Variants in NRCAM observed in about 807,000 individuals in gnomAD.
The protein encoded by NRCAM is neuronal cell adhesion molecule.
A neutral mutation model predicts 156.5 loss-of-function variants in NRCAM; 83 were observed. The observed-to-expected ratio is 0.53, with a 90% CI of 0.44 to 0.64. The LOEUF is 0.64. NRCAM is among the 30% of genes least tolerant of loss of function. The probability of loss-of-function intolerance (pLI) is 0.00; values close to 1 mark genes in which losing one functional copy is unlikely to be tolerated. For synonymous variants in NRCAM, 538 were observed against 563.9 expected (o/e 0.95, Z 0.65); for missense variants, 1,417 against 1,597.3 (o/e 0.89, Z 1.92).
At chr7:108,300,390 G>A (rs2098577402) in intron 3 of NRCAM, among the ~76,000 whole-genome samples, 2 of 151,880 alleles carry the variant, frequency 1.3e-5, no homozygotes, top group South Asian at 2.1e-4. Context: ...TAAAATGTTA[G>A]AGGATACCAG....
chr7:108,192,486 C>A (rs959108823), intron 17 of NRCAM, among the ~76,000 whole-genome samples: 2 of 152,078 alleles, frequency 1.3e-5, no homozygotes, highest in African/African-American at 2.4e-5. Context: ...ATTGTGCCCC[C>A]ACCCTGTCCG....
chr7:108,415,635 C>T (rs1408726157), intron 1 of NRCAM, among the ~76,000 whole-genome samples: 1 of 152,318 alleles, frequency 6.6e-6, no homozygotes, highest in Non-Finnish European at 1.5e-5. Flanking sequence ...TATCCCAGCA[C>T]TTTGGGAGGC....
Position 108,226,288 on chromosome 7 carries a change from T to C in NRCAM, c.641A>G (p.Glu214Gly). 1.2e-6 allele frequency: 2 copies of C among 1,608,494 alleles called. No homozygotes were observed. Among genetic ancestry groups the C allele is most frequent in the Admixed American group, 1.7e-5 (1 of 59,992 alleles). The change falls in exon 9 of 33, where the codon GAA becomes GGA. Residue 214 changes from glutamate to glycine, a missense_variant. Transcript: ENST00000379028. Reference sequence around the variant, plus strand: ...AAATCTAGCATAACAGATATAGTCTTCGCGGGTGTCCTCTGGGAGGACATT... The same window carrying C: ...AAATCTAGCATAACAGATATAGTCTCCGCGGGTGTCCTCTGGGAGGACATT... ...FSNVLPEDTR[E>G]DYICYARFNH... is the part of the protein sequence containing the mutation.
chr7:108,370,399 T>C (rs577823653), intron 2 of NRCAM, among the ~76,000 whole-genome samples: 1 of 152,218 alleles, frequency 6.6e-6, no homozygotes, highest in South Asian at 2.1e-4. Flanking sequence ...ACATAGAATG[T>C]TTTCATGTAT....
chr7:108,155,101 T>TATATATATATATAC (rs1270777439), intron 32 of NRCAM, among the ~76,000 whole-genome samples: 3 of 123,100 alleles, frequency 2.4e-5, no homozygotes, highest in African/African-American at 3.5e-5. Context: ...TATATATATA[T>TATATATATATATAC]ACACACACAC....
intron 3 of NRCAM, 78 bp from the exon 4 acceptor site, chr7:108,240,248 G>A (rs2095435006): frequency 4.0e-6 from 2 of 503,384 alleles, no homozygotes; most frequent in African/African-American, 2.0e-5. Flanking sequence ...CTGCAGCACA[G>A]AGAACTAGCC....
intron 11 of NRCAM, among the ~76,000 whole-genome samples, chr7:108,216,063 C>T (rs1208310225): frequency 1.3e-5 from 2 of 152,114 alleles, no homozygotes; most frequent in Admixed American, 6.5e-5. Flanking sequence ...TTTTCCTTTC[C>T]ATATTTAGTG....
intron 11 of NRCAM, among the ~76,000 whole-genome samples, chr7:108,212,016 C>T (rs1166779999): frequency 2.0e-5 from 3 of 152,210 alleles, no homozygotes; most frequent in Non-Finnish European, 1.5e-5. Context: ...GCCACCTCCA[C>T]CAGAACAGGT....
At chr7:108,448,695 C>T (rs188114477) in intron 1 of NRCAM, among the ~76,000 whole-genome samples, 84 of 152,218 alleles carry the variant, frequency 5.5e-4, no homozygotes, top group African/African-American at 1.9e-3. Flanking sequence ...TGTTTTCAAT[C>T]AGATGCTGCC....
intron 19 of NRCAM, among the ~76,000 whole-genome samples, chr7:108,190,811 C>T (rs907168442): frequency 5.9e-5 from 9 of 152,022 alleles, no homozygotes; most frequent in Non-Finnish European, 1.2e-4. Context: ...TCTATTTTTC[C>T]CCATATACAT....
intron 32 of NRCAM, among the ~76,000 whole-genome samples, chr7:108,153,785 G>C (rs898287626): frequency 2.0e-5 from 3 of 152,024 alleles, no homozygotes; most frequent in African/African-American, 7.2e-5. Context: ...TTATGTTCTT[G>C]CAAAAAATTA....
At chr7:108,447,512 C>T (rs1017612744) in intron 1 of NRCAM, among the ~76,000 whole-genome samples, 4 of 151,828 alleles carry the variant, frequency 2.6e-5, no homozygotes, top group Non-Finnish European at 4.4e-5. Flanking sequence ...TCTCATGATC[C>T]GCCTACTCTG....
chr7:108,387,340 T>C (rs2099743832), intron 2 of NRCAM, among the ~76,000 whole-genome samples: 1 of 152,140 alleles, frequency 6.6e-6, no homozygotes, highest in African/African-American at 2.4e-5. Context: ...AAAGGAAATG[T>C]TGTAATAAAA....
intron 2 of NRCAM, among the ~76,000 whole-genome samples, chr7:108,399,065 A>G (rs1165638900): frequency 6.6e-6 from 1 of 152,160 alleles, no homozygotes; most frequent in Non-Finnish European, 1.5e-5. Context: ...AAAACAACCC[A>G]AGAAGGTAGG....
chr7:108,302,708 G>GC (rs1473356228), intron 3 of NRCAM, among the ~76,000 whole-genome samples: 1 of 152,038 alleles, frequency 6.6e-6, no homozygotes, highest in Non-Finnish European at 1.5e-5. Context: ...ATCTAGCAAA[G>GC]CAATAATTTC....
At chr7:108,327,017 C>T (rs1316486666) in intron 2 of NRCAM, among the ~76,000 whole-genome samples, 1 of 152,176 alleles carries the variant, frequency 6.6e-6, no homozygotes, top group Non-Finnish European at 1.5e-5. Context: ...TTTCCACTTT[C>T]CAACCAAACA....
chr7:108,266,548 G>T (rs998510752), intron 3 of NRCAM, among the ~76,000 whole-genome samples: 1 of 152,110 alleles, frequency 6.6e-6, no homozygotes, highest in African/African-American at 2.4e-5. Context: ...GATATTTTTT[G>T]GGGGGAATCT....
chr7:108,213,440 A>AT (rs2085902973), intron 11 of NRCAM, among the ~76,000 whole-genome samples: 1 of 152,232 alleles, frequency 6.6e-6, no homozygotes, highest in African/African-American at 2.4e-5. Context: ...TTGAATGTAA[A>AT]TGGCCTGAGT....
At chr7:108,439,150 A>G (rs1010973406) in intron 1 of NRCAM, among the ~76,000 whole-genome samples, 1 of 152,074 alleles carries the variant, frequency 6.6e-6, no homozygotes, top group African/African-American at 2.4e-5. Context: ...AAGAGAAAAC[A>G]TGTGAGTAAA....
Sources: gnomAD v4.1 joint callset for allele counts (sites outside exome capture counted in the v4.1 genomes callset) on GRCh38, gnomAD v4.1.1 for gene constraint, MANE v1.5 for transcripts, NCBI Gene and HGNC (gene_info 2026-07-23, HGNC 2026-07-21) for gene names.